Variants in PCDHGA1 observed in about 807,000 individuals in gnomAD.
PCDHGA1 encodes protocadherin gamma subfamily A, 1, also known as protocadherin gamma-A1.
A neutral mutation model predicts 58.0 loss-of-function variants in PCDHGA1; 32 were observed. The ratio of observed to expected loss-of-function variants is 0.55; its 90% confidence interval spans 0.42 to 0.74. PCDHGA1 has a LOEUF of 0.74. Ranked by LOEUF, PCDHGA1 falls within the 30% of genes least tolerant of loss-of-function variation. The probability of loss-of-function intolerance (pLI) is 0.00; values close to 1 mark genes in which losing one functional copy is unlikely to be tolerated. For missense variants in PCDHGA1, 1,205 were observed against 1,182.3 expected, an observed-to-expected ratio of 1.02 and a Z score of -0.28; for synonymous variants, 498 against 501.1, an observed-to-expected ratio of 0.99 and a Z score of 0.08.
chr5:141,364,438 G>C (rs766900400), intron 1 of PCDHGA1: 111 of 1,613,704 alleles, frequency 6.9e-5, no homozygotes, highest in Non-Finnish European at 8.6e-5. Context: ...ACTCGATGCC[G>C]GAGGAGCTGG....
chr5:141,486,590 C>T lies in PCDHGA1; in HGVS notation c.2422-8217C>T, dbSNP rs781629297. On this transcript the variant is annotated intron_variant, in intron 1 of 3. Transcript: ENST00000517417. This position sits in a 1 kb window ranked among gnomAD's most constrained non-coding sequence, Gnocchi z 5.0. Reference sequence around the variant, plus strand: ...TCCTGAGAACAATCGCCCAGGGGACCTGCTTTGCTCCCTTGCAGCCTCTGA... The same window carrying T: ...TCCTGAGAACAATCGCCCAGGGGACTTGCTTTGCTCCCTTGCAGCCTCTGA... The T allele has an allele frequency of 6.2e-7, 1 of 1,613,640 alleles. No individual in the cohort carries two copies.
At chr5:141,458,081 G>A (rs765008628) in intron 1 of PCDHGA1, among the ~76,000 whole-genome samples, 62 of 152,186 alleles carry the variant, frequency 4.1e-4, no homozygotes, top group East Asian at 1.9e-4. Flanking sequence ...CTATATTGCC[G>A]TAAGTTAAGA....
chr5:141,485,964 T>A lies in PCDHGA1; in HGVS notation c.2422-8843T>A. 1 of 1,614,162 alleles carries A rather than the reference T, an allele frequency of 6.2e-7. No homozygotes were observed. The highest frequency in any genetic ancestry group is 8.5e-7 in the Non-Finnish European group (1 of 1,180,000). On this transcript the variant is annotated intron_variant, in intron 1 of 3. Transcript: ENST00000517417. The surrounding 1 kb of genome is among the most constrained non-coding windows in gnomAD (Gnocchi z 5.7). ...CCAGCGGGCATGGTGCTCATCCAGC[T>A]CAATGCCTCAGACCCGGACCTGGGT...
chr5:141,331,713 T>C lies in PCDHGA1; in HGVS notation c.1029T>C (p.Asn343=). ...TCAAAGTTTTGGATGTAAATGATAA[T>C]GCCCCAGAAGTGACCATCACCTCTG... ...VLIKVLDVND[N]APEVTITSVT... is the part of the protein sequence containing the mutation. The change falls in exon 1 of 4, where the codon AAT becomes AAC. Residue 343 remains asparagine, a synonymous_variant. Coordinates refer to ENST00000517417, the MANE Select transcript of PCDHGA1 (RefSeq NM_018912.3). 1.2e-6 allele frequency: 2 copies of C among 1,614,076 alleles called. No individual in the cohort carries two copies. Among genetic ancestry groups the C allele is most frequent in the Non-Finnish European group, 1.7e-6 (2 of 1,180,016 alleles).
intron 1 of PCDHGA1, chr5:141,403,791 A>T: frequency 6.2e-7 from 1 of 1,613,900 alleles, no homozygotes. Context: ...GTGGCATACA[A>T]ATTCTGGAAA....
rs753702657 is a variant in PCDHGA1 at position 141,415,195 on chromosome 5, C to G, written c.2422-79612C>G. ...CGTGGCCGTGGCCGACAGCATCCCC[C>G]AAGTCCTGGCGGACCTCGGCAGCTT... On this transcript the variant is annotated intron_variant, in intron 1 of 3. Transcript: ENST00000517417. 5 of 1,614,058 alleles carry G rather than the reference C, an allele frequency of 3.1e-6. No individual in the cohort carries two copies. The highest frequency in any genetic ancestry group is 1.1e-5 in the South Asian group (1 of 91,090).
chr5:141,393,789 G>C lies in PCDHGA1; in HGVS notation c.2421+60684G>C, dbSNP rs889575374. On this transcript the variant is annotated intron_variant, in intron 1 of 3. Transcript: ENST00000517417. ...GGAAATACAAGCCGAAGATGTGGGGGCACTTCTGGGGAGGACCAAATTGCT... is the reference window on the plus strand; with the variant it reads ...GGAAATACAAGCCGAAGATGTGGGGCCACTTCTGGGGAGGACCAAATTGCT... The C allele has an allele frequency of 1.9e-6, 3 of 1,613,840 alleles. No homozygotes were observed. The African/African-American group carries it at 4.0e-5, about 22-fold the overall frequency.
chr5:141,387,885 A>G, intron 1 of PCDHGA1: 2 of 1,578,800 alleles, frequency 1.3e-6, no homozygotes, highest in Non-Finnish European at 1.7e-6. Context: ...AGCAAGAGGG[A>G]TGGGGAGCGG....
chr5:141,422,286 T>C, intron 1 of PCDHGA1: 2 of 1,554,938 alleles, frequency 1.3e-6, no homozygotes, highest in Non-Finnish European at 1.7e-6. Flanking sequence ...TCACCTCTTC[T>C]ATTAATTCAA....
In PCDHGA1 at chr5:141,487,822, G is replaced by T. The variant is rs1406642768; in HGVS notation, c.2422-6985G>T. ...TGTCACAGTTTAGCATTGGGGGCGG[G>T]TCATGCCTATATCTGAGTAAGAAAT... On this transcript the variant is annotated intron_variant, in intron 1 of 3. Coordinates refer to ENST00000517417, the MANE Select transcript of PCDHGA1 (RefSeq NM_018912.3). This position sits in a 1 kb window ranked among gnomAD's most constrained non-coding sequence, Gnocchi z 5.0. The T allele has an allele frequency of 3.1e-6, 4 of 1,278,640 alleles. No homozygotes were observed. The East Asian group carries it at 7.6e-5, about 24-fold the overall frequency. 79.2% of individuals were successfully genotyped at this position (1,278,640 alleles called of 1,614,324 possible). A position where few individuals can be genotyped will look rare whatever the true frequency, so the allele number is the denominator to read the frequency against.
intron 1 of PCDHGA1, chr5:141,428,122 G>A: frequency 6.2e-7 from 1 of 1,606,172 alleles, no homozygotes; most frequent in Non-Finnish European, 8.5e-7. Context: ...ATCGAGCCCG[G>A]GCTTTTCAGC....
rs371979287 is a variant in PCDHGA1, at chr5:141,384,185, C to A, written c.2421+51080C>A. On this transcript the variant is annotated intron_variant, in intron 1 of 3. Transcript: ENST00000517417. Reference sequence around the variant, plus strand: ...ACACTGAAAGCCACAGATGGTGGAACTCCTCCCTTGTCCAGGGAAACTCAC... The same window carrying A: ...ACACTGAAAGCCACAGATGGTGGAAATCCTCCCTTGTCCAGGGAAACTCAC... The A allele has an allele frequency of 6.2e-7, 1 of 1,613,718 alleles. No homozygotes were observed. Among genetic ancestry groups the A allele is most frequent in the Non-Finnish European group, 8.5e-7 (1 of 1,179,848 alleles).
At position 141,431,604 on chromosome 5, in the gene PCDHGA1, G is replaced by A; in HGVS notation, c.2422-63203G>A. On this transcript the variant is annotated intron_variant, in intron 1 of 3. Coordinates refer to ENST00000517417, the MANE Select transcript of PCDHGA1 (RefSeq NM_018912.3). The surrounding 1 kb of genome is among the most constrained non-coding windows in gnomAD (Gnocchi z 4.8). ...AATGCGGAAGTGAGGTATTCCTTCCGGTATGTGGACGACAAGGCGGCCCAA... is the reference window on the plus strand; with the variant it reads ...AATGCGGAAGTGAGGTATTCCTTCCAGTATGTGGACGACAAGGCGGCCCAA... 8 of 1,614,206 alleles carry A rather than the reference G, an allele frequency of 5.0e-6. No individual in the cohort carries two copies. Among genetic ancestry groups the A allele is most frequent in the Non-Finnish European group, 6.8e-6 (8 of 1,180,046 alleles).
At chr5:141,385,318 A>G (rs373167861) in intron 1 of PCDHGA1, 2 of 1,610,212 alleles carry the variant, frequency 1.2e-6, no homozygotes, top group Non-Finnish European at 1.7e-6. Context: ...CCTGCCAAGT[A>G]TTCAGGTGAG....
At chr5:141,501,238 G>A (rs1482962385) in intron 2 of PCDHGA1, among the ~76,000 whole-genome samples, 2 of 151,018 alleles carry the variant, frequency 1.3e-5, no homozygotes, top group African/African-American at 4.9e-5. Flanking sequence ...AGTTTTTTGA[G>A]CATGATGTAG....
chr5:141,497,736 G>A (rs1437670417), intron 2 of PCDHGA1, among the ~76,000 whole-genome samples: 6 of 151,962 alleles, frequency 3.9e-5, no homozygotes, highest in Admixed American at 1.3e-4. Flanking sequence ...GATGGGTTTC[G>A]CCACGTTGGC....
intron 1 of PCDHGA1, chr5:141,388,395 C>A (rs1445370262): frequency 2.5e-6 from 4 of 1,613,810 alleles, no homozygotes; most frequent in African/African-American, 2.7e-5. Flanking sequence ...GCAGAATTAC[C>A]AACTCAGTCC....
intron 1 of PCDHGA1, among the ~76,000 whole-genome samples, chr5:141,435,225 A>G (rs919735003): frequency 5.9e-5 from 9 of 152,188 alleles, no homozygotes; most frequent in Non-Finnish European, 1.2e-4. Context: ...CTTTCTTTCA[A>G]AGTTCAGTAA....
intron 1 of PCDHGA1, among the ~76,000 whole-genome samples, chr5:141,406,762 A>C (rs942707558): frequency 2.0e-5 from 3 of 152,238 alleles, no homozygotes; most frequent in Non-Finnish European, 4.4e-5. Context: ...CAAGGAATTA[A>C]AAATATTTCT....
Sources: gnomAD v4.1 joint callset for allele counts (sites outside exome capture counted in the v4.1 genomes callset) on GRCh38, gnomAD v4.1.1 for gene constraint, Gnocchi (gnomAD v3.1) non-coding constraint, MANE v1.5 for transcripts, NCBI Gene and HGNC (gene_info 2026-07-23, HGNC 2026-07-21) for gene names.